KCNH7: variants seen among roughly 807,000 people sequenced by gnomAD.
KCNH7 encodes the protein voltage-gated inwardly rectifying potassium channel KCNH7.
In KCNH7, 49 loss-of-function variants were observed where a neutral mutation model predicts 120.8. That is an observed-to-expected ratio of 0.41 (90% CI 0.32 to 0.51). The LOEUF is 0.51. Ranked by LOEUF, KCNH7 falls within the 20% of genes least tolerant of loss-of-function variation. The pLI, the probability that KCNH7 is intolerant of heterozygous loss-of-function variation, is 0.38. For synonymous variants in KCNH7, 547 were observed against 516.1 expected, an observed-to-expected ratio of 1.06 and a Z score of -0.81; for missense variants, 1,097 against 1,446.6, an observed-to-expected ratio of 0.76 and a Z score of 3.92.
intron 6 of KCNH7, among the ~76,000 whole-genome samples, chr2:162,491,953 C>T (rs191324913): frequency 0.017 from 2,625 of 152,208 alleles, 220 homozygotes; most frequent in Admixed American, 0.15. Flanking sequence ...TACTACAGGA[C>T]ACTTCCCTTA....
At chr2:162,524,198 G>A (rs926863329) in intron 3 of KCNH7, among the ~76,000 whole-genome samples, 6 of 151,984 alleles carry the variant, frequency 3.9e-5, no homozygotes, top group Admixed American at 1.3e-4. Flanking sequence ...TTCAAATGGA[G>A]CTGAAGCATC....
intron 2 of KCNH7, among the ~76,000 whole-genome samples, chr2:162,609,619 A>C (rs186845912): frequency 6.6e-6 from 1 of 152,302 alleles, no homozygotes; most frequent in East Asian, 1.9e-4. Context: ...AAGATGAGTT[A>C]GTTAAGGGAG....
At position 162,606,943 on chromosome 2, in the gene KCNH7, G is replaced by A. The variant is rs1682792692; in HGVS notation, c.308-69863C>T. ...ATTCAAAAAGCAACTAAATTATTAT[G>A]TTTATAGTTGGGAATGTTATATTAT... On this transcript the variant is annotated intron_variant, in intron 2 of 15. Coordinates refer to ENST00000332142, the MANE Select transcript of KCNH7 (RefSeq NM_033272.4). Among the ~76,000 whole-genome samples the A allele has an allele frequency of 2.0e-5, 3 of 152,174 alleles. No individual in the cohort carries two copies. The South Asian group carries it at 6.2e-4, about 32-fold the overall frequency.
intron 2 of KCNH7, among the ~76,000 whole-genome samples, chr2:162,590,123 T>C (rs543793194): frequency 5.3e-5 from 8 of 152,176 alleles, no homozygotes; most frequent in Admixed American, 1.3e-4. Context: ...GGAAAGGATA[T>C]ATACAATTTT....
At chr2:162,379,817 G>T in intron 14 of KCNH7, 36 bp downstream of exon 14, 1 of 1,604,166 alleles carries the variant, frequency 6.2e-7, no homozygotes, top group Non-Finnish European at 8.5e-7. Flanking sequence ...GTAAGGGGTT[G>T]GGTTATGTTC....
intron 10 of KCNH7, among the ~76,000 whole-genome samples, chr2:162,397,866 C>T (rs1686959739): frequency 5.9e-5 from 9 of 151,822 alleles, no homozygotes; most frequent in Admixed American, 5.9e-4. Context: ...CCTAACATCA[C>T]CTTCTTAGTT....
intron 12 of KCNH7, among the ~76,000 whole-genome samples, chr2:162,393,564 T>C (rs924682791): frequency 7.2e-5 from 11 of 152,006 alleles, no homozygotes; most frequent in African/African-American, 1.9e-4. Context: ...GATTGAAGTA[T>C]TACAGACGCA....
At chr2:162,514,499 G>A (rs116679147) in intron 4 of KCNH7, among the ~76,000 whole-genome samples, 2,047 of 151,898 alleles carry the variant, frequency 0.013, 40 homozygotes, top group African/African-American at 0.047. Flanking sequence ...TTCCAAGGCA[G>A]AGTGTGGCTT....
chr2:162,695,574 C>A (rs1038971500), intron 2 of KCNH7, among the ~76,000 whole-genome samples: 1 of 152,106 alleles, frequency 6.6e-6, no homozygotes, highest in Admixed American at 6.5e-5. Context: ...CCCTGAGAAT[C>A]CCAAAATGTT....
intron 6 of KCNH7, among the ~76,000 whole-genome samples, chr2:162,469,710 C>A (rs928029669): frequency 1.3e-5 from 2 of 151,746 alleles, no homozygotes; most frequent in Non-Finnish European, 2.9e-5. Flanking sequence ...TCCCTCTCCC[C>A]ACGGTCTCCC....
chr2:162,699,143 G>C (rs2105340017), intron 2 of KCNH7, among the ~76,000 whole-genome samples: 1 of 152,212 alleles, frequency 6.6e-6, no homozygotes, highest in Non-Finnish European at 1.5e-5. Flanking sequence ...ATGAACTCCA[G>C]TCACCATGTT....
At chr2:162,413,303 A>AT (rs1418828905) in intron 9 of KCNH7, among the ~76,000 whole-genome samples, 2 of 151,832 alleles carry the variant, frequency 1.3e-5, no homozygotes, top group Non-Finnish European at 2.9e-5. Context: ...TAATTTTTGT[A>AT]TTTTTAGTAC....
chr2:162,761,718 C>CAGA (rs1168650385), intron 2 of KCNH7, among the ~76,000 whole-genome samples: 2 of 152,014 alleles, frequency 1.3e-5, no homozygotes, highest in East Asian at 3.9e-4. Flanking sequence ...CAATGTTTAC[C>CAGA]TATCACTTTC....
intron 6 of KCNH7, among the ~76,000 whole-genome samples, chr2:162,451,469 T>C (rs1328140532): frequency 6.6e-6 from 1 of 152,050 alleles, no homozygotes; most frequent in Non-Finnish European, 1.5e-5. Context: ...AAAGTAGTCA[T>C]TTTGTTACTT....
At chr2:162,488,772 C>G (rs1690192605) in intron 6 of KCNH7, among the ~76,000 whole-genome samples, 1 of 152,178 alleles carries the variant, frequency 6.6e-6, no homozygotes, top group South Asian at 2.1e-4. Context: ...CAAACTTATA[C>G]TGTTGCCAGT....
chr2:162,776,120 C>T (rs1044535025), intron 2 of KCNH7, among the ~76,000 whole-genome samples: 5 of 152,042 alleles, frequency 3.3e-5, no homozygotes, highest in Non-Finnish European at 7.4e-5. Flanking sequence ...ACGAATATAC[C>T]GTTCTCTCAT....
intron 2 of KCNH7, among the ~76,000 whole-genome samples, chr2:162,611,379 C>G (rs1362789348): frequency 6.6e-6 from 1 of 152,188 alleles, no homozygotes; most frequent in East Asian, 1.9e-4. Flanking sequence ...CACCACACCT[C>G]TAGACTTTGA....
At chr2:162,428,787 T>C (rs946235033) in intron 8 of KCNH7, among the ~76,000 whole-genome samples, 1 of 152,024 alleles carries the variant, frequency 6.6e-6, no homozygotes, top group East Asian at 1.9e-4. Context: ...GTACCTGTCC[T>C]GAAGTTAATA....
chr2:162,629,202 C>T (rs1439630517), intron 2 of KCNH7, among the ~76,000 whole-genome samples: 1 of 151,958 alleles, frequency 6.6e-6, no homozygotes, highest in African/African-American at 2.4e-5. Context: ...GTGAGTGGTC[C>T]CAAGTAGTTA....
Sources: allele counts gnomAD v4.1 joint callset (sites outside exome capture counted in the v4.1 genomes callset), GRCh38; gene constraint gnomAD v4.1.1; transcripts MANE v1.5; gene names NCBI Gene and HGNC (gene_info 2026-07-23, HGNC 2026-07-21).